The following FILIP1 variants were observed in gnomAD, a reference collection of about 807,000 sequenced individuals.
The protein encoded by FILIP1 is filamin-A-interacting protein 1.
Under a neutral mutation model 102.1 loss-of-function variants are expected in FILIP1, and 61 were observed. The ratio of observed to expected loss-of-function variants is 0.60; its 90% CI spans 0.49 to 0.74. The LOEUF (loss-of-function observed/expected upper bound fraction) is 0.74, where lower values mean the gene tolerates loss of function less well. Among genes scored for constraint, FILIP1 ranks in the 30% least tolerant of loss-of-function variants. The pLI is 0.00. For synonymous variants in FILIP1, 491 were observed against 526.9 expected, an observed-to-expected ratio of 0.93 and a Z score of 0.93; for missense variants, 1,314 against 1,441.2, an observed-to-expected ratio of 0.91 and a Z score of 1.43.
At position 75,308,616 on chromosome 6, in the gene FILIP1, C is replaced by A; in HGVS notation, c.*75G>T. ...AACTTAAATTAGTACATGTAAAGAACTGGCACAAACAGATGAAGGTTCACT... is the reference window on the plus strand; with the variant it reads ...AACTTAAATTAGTACATGTAAAGAAATGGCACAAACAGATGAAGGTTCACT... On this transcript the variant is annotated 3_prime_UTR_variant, in exon 6 of 6. Coordinates refer to ENST00000237172, the MANE Select transcript of FILIP1 (RefSeq NM_015687.5). 6.3e-7 allele frequency: 1 copy of A among 1,585,188 alleles called. No individual in the cohort carries two copies. Among genetic ancestry groups the A allele is most frequent in the Non-Finnish European group, 8.6e-7 (1 of 1,165,204 alleles).
chr6:75,293,033 T>C (rs1360860692), exon 7 of FILIP1: 1 of 152,242 alleles, frequency 6.6e-6, no homozygotes, highest in Admixed American at 6.5e-5. Flanking sequence ...ACAGCTGGTG[T>C]ATTTATCTAC....
At chr6:75,433,088 T>C (rs1015804437) in intron 1 of FILIP1, among the ~76,000 whole-genome samples, 3 of 152,364 alleles carry the variant, frequency 2.0e-5, no homozygotes, top group Admixed American at 2.0e-4. Flanking sequence ...TGATGGACAT[T>C]TGGGTTGGTT....
Position 75,355,196 on chromosome 6 carries a change from G to A in FILIP1, c.451-1479C>T, listed in dbSNP as rs376081574. On this transcript the variant is annotated intron_variant, in intron 3 of 5. Coordinates refer to ENST00000237172, the MANE Select transcript of FILIP1 (RefSeq NM_015687.5). ...TGTAATCCCAGCTACTTGGGAGGCC[G>A]AGGCAGAAAAATCGCTTGAACCCGG... 3.0e-4 allele frequency among the ~76,000 whole-genome samples: 45 copies of A among 151,996 alleles called. 1 individual carries two copies. Among genetic ancestry groups the A allele is most frequent in the Middle Eastern group, 3.4e-3 (1 of 294 alleles).
chr6:75,390,578 C>CA (rs201436354), intron 2 of FILIP1, among the ~76,000 whole-genome samples: 1,749 of 152,212 alleles, frequency 0.011, 41 homozygotes, highest in African/African-American at 0.04. Context: ...AGGTACCCCA[C>CA]TTTTTAAATG....
At chr6:75,345,602 C>A (rs928888063) in intron 4 of FILIP1, among the ~76,000 whole-genome samples, 2 of 152,132 alleles carry the variant, frequency 1.3e-5, no homozygotes, top group African/African-American at 4.8e-5. Context: ...GGGTGACCAG[C>A]CTTTTCCGTG....
intron 1 of FILIP1, among the ~76,000 whole-genome samples, chr6:75,478,158 T>C (rs1582565456): frequency 6.6e-6 from 1 of 152,312 alleles, no homozygotes; most frequent in African/African-American, 2.4e-5. Context: ...AGCACATTCT[T>C]TGCAGGATCA....
At chr6:75,372,225 G>A (rs1299199949) in intron 2 of FILIP1, among the ~76,000 whole-genome samples, 1 of 151,820 alleles carries the variant, frequency 6.6e-6, no homozygotes, top group East Asian at 1.9e-4. Context: ...AAATTAGCTG[G>A]GCGTGATGGT....
At chr6:75,320,812 GA>G (rs1773627589) in intron 4 of FILIP1, among the ~76,000 whole-genome samples, 1 of 152,152 alleles carries the variant, frequency 6.6e-6, no homozygotes, top group Non-Finnish European at 1.5e-5. Flanking sequence ...TATTAGAAAA[GA>G]AATGTGTCTC....
intron 1 of FILIP1, among the ~76,000 whole-genome samples, chr6:75,444,467 A>AT (rs565143543): frequency 1.3e-5 from 2 of 151,792 alleles, no homozygotes; most frequent in African/African-American, 2.4e-5. Flanking sequence ...TTTGTTATAA[A>AT]TTTTTTTTTC....
chr6:75,332,730 G>A (rs1774122060), intron 4 of FILIP1, among the ~76,000 whole-genome samples: 1 of 152,172 alleles, frequency 6.6e-6, no homozygotes, highest in Non-Finnish European at 1.5e-5. Flanking sequence ...CCATGTGTGA[G>A]GGTCTCCTTC....
chr6:75,422,938 G>A (rs895069954), intron 1 of FILIP1, among the ~76,000 whole-genome samples: 4 of 151,992 alleles, frequency 2.6e-5, no homozygotes, highest in Admixed American at 2.0e-4. Context: ...TTTCTTATTC[G>A]AGTTCAAAAT....
chr6:75,295,123 A>G (rs570854140), exon 7 of FILIP1: 2 of 152,116 alleles, frequency 1.3e-5, no homozygotes, highest in African/African-American at 4.8e-5. Flanking sequence ...TATACATACA[A>G]GTAAATAATG....
intron 2 of FILIP1, among the ~76,000 whole-genome samples, chr6:75,404,681 A>T (rs958504850): frequency 3.9e-5 from 6 of 152,142 alleles, no homozygotes; most frequent in African/African-American, 1.4e-4. Context: ...TTGTTCCTTG[A>T]TGAGAAAGCT....
chr6:75,374,978 G>T (rs2149632555), intron 2 of FILIP1, among the ~76,000 whole-genome samples: 1 of 152,328 alleles, frequency 6.6e-6, no homozygotes, highest in Admixed American at 6.5e-5. Flanking sequence ...GGACTGAGTG[G>T]CGGGTGGCCT....
intron 4 of FILIP1, among the ~76,000 whole-genome samples, chr6:75,322,171 G>T (rs1243946027): frequency 6.6e-6 from 1 of 151,908 alleles, no homozygotes; most frequent in African/African-American, 2.4e-5. Context: ...AATATAGCAT[G>T]TATCTATTCA....
chr6:75,374,674 C>A (rs371447433), intron 2 of FILIP1, among the ~76,000 whole-genome samples: 1 of 152,132 alleles, frequency 6.6e-6, no homozygotes, highest in Non-Finnish European at 1.5e-5. Context: ...GTCACTGTGC[C>A]GGGCCAGTGA....
chr6:75,353,658 C>T lies in FILIP1; in HGVS notation c.510G>A (p.Leu170=). The T allele has an allele frequency of 6.2e-7, 1 of 1,614,180 alleles. No individual in the cohort carries two copies. The highest frequency in any genetic ancestry group is 8.5e-7 in the Non-Finnish European group (1 of 1,180,050). The change falls in exon 4 of 6, where the codon TTG becomes TTA. Residue 170 remains leucine (L), a synonymous_variant. Coordinates refer to ENST00000237172, the MANE Select transcript of FILIP1 (RefSeq NM_015687.5). ...TGCGCCTATGACACTTCTCGGCCAG[C>T]AACAGCTGCTCTAGCATGCGCCGGT... ...ETYRRMLEQL[L]LAEKCHRRTV... is the part of the protein sequence containing the mutation.
At chr6:75,334,898 T>C (rs1236565003) in intron 4 of FILIP1, 1 of 152,050 alleles carries the variant, frequency 6.6e-6, no homozygotes, top group Non-Finnish European at 1.5e-5. Context: ...TGAGAAGGGG[T>C]GGAGCTGCCC....
At chr6:75,367,621 C>T (rs999093730) in intron 2 of FILIP1, 4 of 152,084 alleles carry the variant, frequency 2.6e-5, no homozygotes, top group African/African-American at 9.6e-5. Flanking sequence ...ACTCCAGCCT[C>T]GGCGACAGAG....
Sources: allele counts gnomAD v4.1 joint callset (sites outside exome capture counted in the v4.1 genomes callset), GRCh38; gene constraint gnomAD v4.1.1; transcripts MANE v1.5; gene names NCBI Gene and HGNC (gene_info 2026-07-23, HGNC 2026-07-21).